The following RANBP2 variants were observed in gnomAD, a reference collection of about 807,000 sequenced individuals.
The protein encoded by RANBP2 is RAN binding protein 2, also known as E3 SUMO-protein ligase RanBP2.
RANBP2 carries 57 observed loss-of-function variants against 303.6 expected under a neutral mutation model. The ratio of observed to expected loss-of-function variants is 0.19; its 90% CI spans 0.15 to 0.23. The LOEUF (loss-of-function observed/expected upper bound fraction) is 0.23, where lower values mean the gene tolerates loss of function less well. Among genes scored for constraint, RANBP2 ranks in the 10% least tolerant of loss-of-function variants. The probability of loss-of-function intolerance (pLI) is 1.00; values close to 1 mark genes in which losing one functional copy is unlikely to be tolerated. For synonymous variants in RANBP2, 1,167 were observed against 1,301.5 expected, an observed-to-expected ratio of 0.90 and a Z score of 2.23; for missense variants, 3,138 against 3,780.8, an observed-to-expected ratio of 0.83 and a Z score of 4.46.
chr2:108,993,702 G>A, the RANBP2 span, among the ~76,000 whole-genome samples: 1 of 152,172 alleles, frequency 6.6e-6, no homozygotes, highest in Non-Finnish European at 1.5e-5. Context: ...TACCCTATTG[G>A]AGAATGAGAT....
chr2:108,831,357 T>C, the RANBP2 span, among the ~76,000 whole-genome samples: 1 of 152,218 alleles, frequency 6.6e-6, no homozygotes, highest in Non-Finnish European at 1.5e-5. Flanking sequence ...AGGACCATTG[T>C]TACTTTTTTA....
the RANBP2 span, chr2:108,856,934 G>A: frequency 6.2e-7 from 1 of 1,609,500 alleles, no homozygotes. Context: ...CCTGTCTAAT[G>A]TTATTGATAG....
chr2:109,167,345 ATGAAT>A, the RANBP2 span, among the ~76,000 whole-genome samples: 1 of 152,212 alleles, frequency 6.6e-6, no homozygotes, highest in Non-Finnish European at 1.5e-5. Context: ...CAGGTGGAAC[ATGAAT>A]TGAATTATTA....
chr2:108,856,636 C>A, the RANBP2 span: 1 of 199,478 alleles, frequency 5.0e-6, no homozygotes. Context: ...TGAGTTCTGA[C>A]AAATCAGTTA....
chr2:108,890,232 CTTTTTTTTTTTTT>C, the RANBP2 span, among the ~76,000 whole-genome samples: 6 of 114,692 alleles, frequency 5.2e-5, no homozygotes, highest in Admixed American at 8.8e-5. Flanking sequence ...ATGGGGTTTT[CTTTTTTTTTTTTT>C]TTTTTTTTTT....
chr2:109,685,650 A>G, the RANBP2 span, among the ~76,000 whole-genome samples: 661 of 152,334 alleles, frequency 4.3e-3, 3 homozygotes, highest in African/African-American at 0.015. Context: ...CATGAGATCA[A>G]CAGCAATGTT....
the RANBP2 span, among the ~76,000 whole-genome samples, chr2:109,514,936 C>G: frequency 6.6e-6 from 1 of 151,544 alleles, no homozygotes; most frequent in Admixed American, 6.6e-5. Context: ...ACACACTTCC[C>G]TCTCCTCAAG....
chr2:109,551,946 C>T, the RANBP2 span, among the ~76,000 whole-genome samples: 1 of 152,192 alleles, frequency 6.6e-6, no homozygotes, highest in Admixed American at 6.5e-5. Flanking sequence ...GGTCCCCAAT[C>T]CCCAGGCCGC....
the RANBP2 span, among the ~76,000 whole-genome samples, chr2:109,596,392 T>G: frequency 6.6e-6 from 1 of 151,806 alleles, no homozygotes; most frequent in Non-Finnish European, 1.5e-5. Flanking sequence ...CCGAGGTGGG[T>G]GGATCATGAG....
chr2:108,812,098 A>G, the RANBP2 span, among the ~76,000 whole-genome samples: 1 of 152,282 alleles, frequency 6.6e-6, no homozygotes, highest in East Asian at 1.9e-4. Flanking sequence ...TCTCTACTTG[A>G]AAACTACAAA....
the RANBP2 span, among the ~76,000 whole-genome samples, chr2:109,750,780 C>G: frequency 2.8e-5 from 2 of 71,202 alleles, no homozygotes; most frequent in African/African-American, 5.2e-5. Context: ...CTGGAGTGCA[C>G]TGGCGTGATC....
the RANBP2 span, among the ~76,000 whole-genome samples, chr2:108,822,167 T>C: frequency 6.6e-6 from 1 of 152,078 alleles, no homozygotes; most frequent in East Asian, 1.9e-4. Context: ...GTAATACTAA[T>C]ATAAGACAAA....
At position 108,768,008 on chromosome 2, in the gene RANBP2, A is replaced by G. The variant is rs752487145; in HGVS notation, c.7469A>G (p.Asp2490Gly). 2 of 1,611,832 alleles carry G rather than the reference A, an allele frequency of 1.2e-6. No individual in the cohort carries two copies. Among genetic ancestry groups the G allele is most frequent in the Non-Finnish European group, 1.7e-6 (2 of 1,179,804 alleles). ...TDVIQGDDVA[D>G]ATSEVEVSST... ...GTTATTCAGGGTGATGATGTAGCAG[A>G]TGCAACTTCAGAAGTTGAAGTGTCT... The change falls in exon 20 of 29, where the codon GAT becomes GGT. Residue 2490 changes from aspartate (D) to glycine (G), a missense_variant. Asp to Gly is a moderately conservative substitution (Grantham distance 94, BLOSUM62 -1). This residue lies in a region of RANBP2 where 497 missense variants were observed against 465.8 expected (regional missense o/e 1.07). Coordinates refer to ENST00000283195, the MANE Select transcript of RANBP2 (RefSeq NM_006267.5).
At chr2:108,923,340 G>A in the RANBP2 span, 232 of 1,605,328 alleles carry the variant, frequency 1.4e-4, no homozygotes, top group Admixed American at 1.4e-3. Context: ...AACAAATACC[G>A]TGCTGGTGGA....
chr2:109,629,789 C>A, the RANBP2 span, among the ~76,000 whole-genome samples: 3 of 150,796 alleles, frequency 2.0e-5, no homozygotes, highest in Non-Finnish European at 4.4e-5. Flanking sequence ...TCAGCCTGGG[C>A]AATAGAGCAA....
At chr2:109,628,005 G>T in the RANBP2 span, among the ~76,000 whole-genome samples, 6 of 152,162 alleles carry the variant, frequency 3.9e-5, 1 homozygote, top group South Asian at 1.2e-3. Flanking sequence ...GAGAGGGTGC[G>T]TATCTGTGTC....
the RANBP2 span, among the ~76,000 whole-genome samples, chr2:109,539,842 T>C: frequency 0.031 from 4,676 of 152,302 alleles, 89 homozygotes; most frequent in Non-Finnish European, 0.046. Flanking sequence ...GAGCATATGA[T>C]TGGGACTCAT....
At chr2:109,376,779 G>T in the RANBP2 span, among the ~76,000 whole-genome samples, 1 of 152,218 alleles carries the variant, frequency 6.6e-6, no homozygotes, top group Non-Finnish European at 1.5e-5. Flanking sequence ...CACCCCACAC[G>T]TGCATGTGGT....
the RANBP2 span, among the ~76,000 whole-genome samples, chr2:109,609,046 T>TATCA: frequency 5.9e-5 from 9 of 152,178 alleles, no homozygotes; most frequent in Non-Finnish European, 1.2e-4. Flanking sequence ...GACCAAAATA[T>TATCA]ATCAATCAAT....
Sources: gnomAD v4.1 joint callset for allele counts (sites outside exome capture counted in the v4.1 genomes callset) on GRCh38, gnomAD v4.1.1 for gene constraint, gnomAD v4.1.1 regional missense constraint, MANE v1.5 for transcripts, NCBI Gene and HGNC (gene_info 2026-07-23, HGNC 2026-07-21) for gene names.